Variants in TEX11 observed in about 807,000 individuals in gnomAD.
TEX11 encodes the protein testis-expressed protein 11.
Under a neutral mutation model 84.4 loss-of-function variants are expected in TEX11, and 7 were observed. The ratio of observed to expected loss-of-function variants is 0.08; its 90% CI spans 0.05 to 0.16. The LOEUF (loss-of-function observed/expected upper bound fraction) is 0.16, where lower values mean the gene tolerates loss of function less well. Ranked by LOEUF, TEX11 falls within the 10% of genes least tolerant of loss-of-function variation. The probability of loss-of-function intolerance (pLI) is 1.00; values close to 1 mark genes in which losing one functional copy is unlikely to be tolerated. For synonymous variants in TEX11, 264 were observed against 222.8 expected, an observed-to-expected ratio of 1.18 and a Z score of -1.64; for missense variants, 551 against 660.5, an observed-to-expected ratio of 0.83 and a Z score of 1.82.
intron 20 of TEX11, among the ~76,000 whole-genome samples, chrX:70,622,541 T>C (rs1033698209): frequency 2.7e-5 from 3 of 111,843 alleles, no homozygotes; most frequent in Non-Finnish European, 5.6e-5. Context: ...ATAAATCGAA[T>C]GGCAATTATG....
chrX:70,513,881 G>A, the TEX11 span, among the ~76,000 whole-genome samples: 1 of 108,918 alleles, frequency 9.2e-6, no homozygotes, highest in Non-Finnish European at 1.9e-5. Context: ...GCTCTGGAAT[G>A]ATATCAGATA....
chrX:70,799,407 ACATTG>A (rs980119070), intron 9 of TEX11, among the ~76,000 whole-genome samples: 12 of 112,049 alleles, frequency 1.1e-4, no homozygotes, highest in Admixed American at 1.0e-3. Flanking sequence ...ATGAGCAGGA[ACATTG>A]TTGTGGTGAA....
intron 2 of TEX11, among the ~76,000 whole-genome samples, chrX:70,890,117 G>C (rs1269055856): frequency 1.8e-5 from 2 of 111,208 alleles, no homozygotes; most frequent in Non-Finnish European, 3.8e-5. Context: ...AACCAAAAAA[G>C]AGCAGGAGTA....
At chrX:70,875,766 A>G (rs1034727823) in intron 3 of TEX11, among the ~76,000 whole-genome samples, 2 of 111,293 alleles carry the variant, frequency 1.8e-5, no homozygotes, top group African/African-American at 6.5e-5. Context: ...ATAAAAATAA[A>G]AACAAAAATA....
downstream of TEX11, among the ~76,000 whole-genome samples, chrX:70,526,923 G>T (rs918542019): frequency 8.9e-6 from 1 of 111,868 alleles, no homozygotes; most frequent in Admixed American, 9.5e-5. Flanking sequence ...TCAAATGGGG[G>T]TAGGACCCAG....
At chrX:70,563,958 G>A (rs1200754120) in intron 25 of TEX11, among the ~76,000 whole-genome samples, 1 of 112,308 alleles carries the variant, frequency 8.9e-6, no homozygotes, top group Non-Finnish European at 1.9e-5. Flanking sequence ...GCCGGGTGTG[G>A]TGGTCCACGC....
intron 17 of TEX11, among the ~76,000 whole-genome samples, chrX:70,636,411 C>T (rs921467037): frequency 9.0e-6 from 1 of 110,607 alleles, no homozygotes; most frequent in Admixed American, 9.5e-5. Flanking sequence ...CCCCAGTAGA[C>T]CCAGGTGCCA....
At chrX:70,598,793 T>A (rs1277014293) in intron 24 of TEX11, among the ~76,000 whole-genome samples, 1 of 112,228 alleles carries the variant, frequency 8.9e-6, no homozygotes, top group African/African-American at 3.2e-5. Context: ...TCAAAAAACA[T>A]TTGACTTTCG....
intron 11 of TEX11, among the ~76,000 whole-genome samples, chrX:70,733,502 A>G (rs1189845077): frequency 8.9e-6 from 1 of 112,017 alleles, no homozygotes; most frequent in Non-Finnish European, 1.9e-5. Context: ...GGATATGAAC[A>G]GACACTTCTC....
chrX:70,796,886 G>A (rs1006742972), intron 9 of TEX11, among the ~76,000 whole-genome samples: 60 of 112,170 alleles, frequency 5.3e-4, no homozygotes, highest in African/African-American at 1.8e-3. Context: ...AGTCATCAGA[G>A]AAATGCAAAT....
chrX:70,790,580 G>A (rs775406628), intron 9 of TEX11, among the ~76,000 whole-genome samples: 3 of 112,433 alleles, frequency 2.7e-5, no homozygotes, highest in African/African-American at 9.7e-5. Context: ...ATGCAAGGCA[G>A]CTGCAGTAAA....
chrX:70,548,281 G>C (rs1293210883), intron 28 of TEX11, among the ~76,000 whole-genome samples: 1 of 108,057 alleles, frequency 9.3e-6, no homozygotes, highest in Non-Finnish European at 1.9e-5. Flanking sequence ...GGTGGGGGGA[G>C]TGGGGAGGGA....
chrX:70,892,980 C>A (rs984557479), intron 2 of TEX11, among the ~76,000 whole-genome samples: 2 of 111,016 alleles, frequency 1.8e-5, no homozygotes, highest in Middle Eastern at 4.7e-3. Context: ...GTAAAAAGAT[C>A]AATACAACAA....
At chrX:70,766,828 C>T (rs746479434) in intron 9 of TEX11, among the ~76,000 whole-genome samples, 1 of 111,575 alleles carries the variant, frequency 9.0e-6, no homozygotes, top group East Asian at 2.8e-4. Context: ...AATCCACACA[C>T]CTAACAGTGA....
At chrX:70,577,698 T>C (rs1425613452) in intron 25 of TEX11, among the ~76,000 whole-genome samples, 1 of 110,187 alleles carries the variant, frequency 9.1e-6, no homozygotes, top group Non-Finnish European at 1.9e-5. Flanking sequence ...ATCCTTGATG[T>C]GTTCATTTAA....
In TEX11 at chrX:70,610,470, T is replaced by A. The variant is rs1212681278; in HGVS notation, c.1792+33A>T. The A allele has an allele frequency of 6.0e-6, 7 of 1,175,512 alleles. No homozygotes were observed. In the Admixed American group the frequency reaches 6.9e-5, roughly 12 times the overall value. On this transcript the variant is annotated intron_variant, in intron 21 of 29. Coordinates refer to ENST00000374333, the MANE Select transcript of TEX11 (RefSeq NM_031276.3). ...AATTCAACAGAGAATAGAGGCAAGATGAAGGACTGAATATAACCAGGGAGA... is the reference window on the plus strand; with the variant it reads ...AATTCAACAGAGAATAGAGGCAAGAAGAAGGACTGAATATAACCAGGGAGA...
At chrX:70,902,015 C>T (rs1396126035) in intron 2 of TEX11, among the ~76,000 whole-genome samples, 2 of 112,639 alleles carry the variant, frequency 1.8e-5, no homozygotes, top group Admixed American at 9.4e-5. Flanking sequence ...TTCGGGACAC[C>T]GAGGAAGGAG....
At chrX:70,655,387 G>T (rs928962092) in intron 16 of TEX11, among the ~76,000 whole-genome samples, 1 of 111,209 alleles carries the variant, frequency 9.0e-6, no homozygotes, top group Non-Finnish European at 1.9e-5. Flanking sequence ...ACAGGGTTAT[G>T]GTTTCTACTA....
intron 3 of TEX11, among the ~76,000 whole-genome samples, chrX:70,873,827 T>C (rs1180299205): frequency 8.9e-6 from 1 of 112,366 alleles, no homozygotes; most frequent in South Asian, 3.7e-4. Flanking sequence ...CTTTTCTCAC[T>C]TACCATTTCA....
Sources: allele counts gnomAD v4.1 joint callset (sites outside exome capture counted in the v4.1 genomes callset), GRCh38; gene constraint gnomAD v4.1.1; transcripts MANE v1.5; gene names NCBI Gene and HGNC (gene_info 2026-07-23, HGNC 2026-07-21).